The following FANCL variants were observed in gnomAD, a reference collection of about 807,000 sequenced individuals.
The protein encoded by FANCL is FA complementation group L.
FANCL carries 69 observed loss-of-function variants against 59.4 expected under a neutral mutation model. That is an observed-to-expected ratio of 1.16 (90% confidence interval 0.96 to 1.42). FANCL has a LOEUF of 1.42. FANCL is among the 40% of genes most tolerant of loss of function. FANCL has a pLI of 0.00. For missense variants in FANCL, 519 were observed against 447.2 expected (o/e 1.16, Z -1.45); for synonymous variants, 180 against 147.1 (o/e 1.22, Z -1.62).
intron 1 of FANCL, among the ~76,000 whole-genome samples, chr2:58,233,776 C>G (rs1292836070): frequency 6.6e-6 from 1 of 151,954 alleles, no homozygotes; most frequent in Non-Finnish European, 1.5e-5. Context: ...AATCAGAACA[C>G]TGACCTACAA....
In FANCL at chr2:58,190,585, A is replaced by C. The variant is rs565429652; in HGVS notation, c.540+8009T>G. Among the ~76,000 whole-genome samples, 175 of 152,012 alleles carry C rather than the reference A, an allele frequency of 1.2e-3. 4 individuals carry two copies. The South Asian group carries it at 0.034, about 30-fold the overall frequency. ...TACCCAAAAGGGTGCTACCATCCAT[A>C]AAGAAAAAAGTTAGCTATATCTAAT... On this transcript the variant is annotated intron_variant, in intron 7 of 13. Transcript: ENST00000233741.
chr2:58,236,293 T>C (rs186903801), intron 1 of FANCL, among the ~76,000 whole-genome samples: 10 of 151,814 alleles, frequency 6.6e-5, no homozygotes, highest in Admixed American at 4.6e-4. Flanking sequence ...GAGCAGAGAT[T>C]TCTCGTAGAA....
At chr2:58,237,010 C>T (rs1431113145) in intron 1 of FANCL, among the ~76,000 whole-genome samples, 1 of 151,986 alleles carries the variant, frequency 6.6e-6, no homozygotes, top group African/African-American at 2.4e-5. Context: ...CAACAAAGAT[C>T]GTTGGAGATT....
intron 6 of FANCL, among the ~76,000 whole-genome samples, 184 bp downstream of exon 6, chr2:58,203,944 CAT>C: frequency 6.6e-6 from 1 of 152,028 alleles, no homozygotes; most frequent in Admixed American, 6.6e-5. Flanking sequence ...TAAAATATGA[CAT>C]AAAACTGTCT....
In FANCL at chr2:58,238,053, C is replaced by T. The variant is rs1203433682; in HGVS notation, c.96+3165G>A. ...GCCAATAGCTATGTGAATGAGCAAT[C>T]TTGGAAGCAAATCCTCCACCTCTAG... is the stretch of plus-strand genomic sequence containing the variant. On this transcript the variant is annotated intron_variant, in intron 1 of 13. Transcript: ENST00000233741. Among the ~76,000 whole-genome samples, 3 of 152,224 alleles carry T rather than the reference C, an allele frequency of 2.0e-5. No homozygotes were observed. The East Asian group carries it at 5.8e-4, about 29-fold the overall frequency.
chr2:58,201,190 G>T (rs1447364539), intron 6 of FANCL, among the ~76,000 whole-genome samples: 1 of 151,258 alleles, frequency 6.6e-6, no homozygotes, highest in African/African-American at 2.4e-5. Flanking sequence ...ATAATAAGTT[G>T]TATAGGTATA....
intron 6 of FANCL, among the ~76,000 whole-genome samples, chr2:58,202,913 C>T (rs187900573): frequency 1.7e-4 from 26 of 151,030 alleles, no homozygotes; most frequent in Admixed American, 9.9e-4. Context: ...CATAGAAAAA[C>T]GGCTAATTTT....
chr2:58,162,630 T>TA (rs1685374877), intron 11 of FANCL, among the ~76,000 whole-genome samples: 1 of 151,960 alleles, frequency 6.6e-6, no homozygotes, highest in Non-Finnish European at 1.5e-5. Context: ...TGTGGAACTT[T>TA]AATGTCTGTG....
chr2:58,207,451 C>T (rs538933803), intron 5 of FANCL, among the ~76,000 whole-genome samples: 37 of 152,234 alleles, frequency 2.4e-4, no homozygotes, highest in African/African-American at 7.5e-4. Flanking sequence ...GCAGTCACAG[C>T]GGATGGCTGA....
At chr2:58,185,920 AAAACATATTAGT>A (rs1232905358) in intron 7 of FANCL, among the ~76,000 whole-genome samples, 3 of 152,158 alleles carry the variant, frequency 2.0e-5, no homozygotes, top group African/African-American at 7.2e-5. Flanking sequence ...AACATTTTAA[AAAACATATTAGT>A]ACCTATCACT....
chr2:58,171,895 T>A (rs946323948), intron 7 of FANCL, among the ~76,000 whole-genome samples: 2 of 152,124 alleles, frequency 1.3e-5, no homozygotes, highest in African/African-American at 4.8e-5. Flanking sequence ...ATCGGGTCAC[T>A]CCCACCCCAA....
At chr2:58,189,043 A>G (rs1688677399) in intron 7 of FANCL, among the ~76,000 whole-genome samples, 1 of 152,206 alleles carries the variant, frequency 6.6e-6, no homozygotes, top group Admixed American at 6.5e-5. Context: ...TGTAAACTGC[A>G]AACAAATCAA....
chr2:58,225,267 G>C (rs1692883058), intron 4 of FANCL, among the ~76,000 whole-genome samples: 1 of 151,052 alleles, frequency 6.6e-6, no homozygotes, highest in East Asian at 1.9e-4. Context: ...ACAGTTGCTA[G>C]GCACCAACTC....
intron 7 of FANCL, among the ~76,000 whole-genome samples, chr2:58,177,559 C>G (rs866753308): frequency 7.2e-6 from 1 of 139,228 alleles, no homozygotes; most frequent in Non-Finnish European, 1.5e-5. Context: ...CATATTCTCA[C>G]TCATAGGTGG....
chr2:58,160,491 T>C (rs1373184322), intron 12 of FANCL, among the ~76,000 whole-genome samples: 3 of 151,964 alleles, frequency 2.0e-5, no homozygotes, highest in Admixed American at 6.6e-5. Context: ...ATAAAAATAA[T>C]GCATACTAAG....
At chr2:58,182,051 TATG>T (rs1235237720) in intron 7 of FANCL, among the ~76,000 whole-genome samples, 1 of 151,822 alleles carries the variant, frequency 6.6e-6, no homozygotes, top group Non-Finnish European at 1.5e-5. Context: ...TTGAAATGTC[TATG>T]ATAAGCATTC....
intron 1 of FANCL, 150 bp downstream of exon 1, chr2:58,241,068 C>G: frequency 1.3e-6 from 1 of 774,264 alleles, no homozygotes; most frequent in Non-Finnish European, 2.1e-6. Flanking sequence ...CGGCGCTTCT[C>G]AAACCTTTAG....
intron 7 of FANCL, among the ~76,000 whole-genome samples, chr2:58,177,084 T>G (rs983838198): frequency 2.0e-5 from 3 of 152,066 alleles, no homozygotes; most frequent in African/African-American, 7.2e-5. Flanking sequence ...CAACGAGATA[T>G]CATCTCACAC....
intron 7 of FANCL, among the ~76,000 whole-genome samples, chr2:58,195,005 GA>G (rs1326740497): frequency 6.6e-6 from 1 of 151,166 alleles, no homozygotes; most frequent in African/African-American, 2.4e-5. Context: ...CACAAAAGCA[GA>G]AAGGGATTTT....
Sources: gnomAD v4.1 joint callset for allele counts (sites outside exome capture counted in the v4.1 genomes callset) on GRCh38, gnomAD v4.1.1 for gene constraint, MANE v1.5 for transcripts, NCBI Gene and HGNC (gene_info 2026-07-23, HGNC 2026-07-21) for gene names.